Variants in SGIP1 observed in about 807,000 individuals in gnomAD.
SGIP1 encodes the protein SH3-containing GRB2-like protein 3-interacting protein 1.
In SGIP1, 38 loss-of-function variants were observed where a neutral mutation model predicts 107.5. The observed-to-expected ratio is 0.35, with a 90% confidence interval of 0.27 to 0.46. The LOEUF (loss-of-function observed/expected upper bound fraction) is 0.46, where lower values mean the gene tolerates loss of function less well. Among genes scored for constraint, SGIP1 ranks in the 20% least tolerant of loss-of-function variants. SGIP1 has a pLI of 1.00. For missense variants in SGIP1, 929 were observed against 1,019.5 expected (o/e 0.91, Z 1.21); for synonymous variants, 365 against 366.1 (o/e 1.00, Z 0.03).
chr1:66,705,051 A>G (rs1357250392), intron 18 of SGIP1, among the ~76,000 whole-genome samples: 1 of 152,240 alleles, frequency 6.6e-6, no homozygotes, highest in East Asian at 1.9e-4. Flanking sequence ...ACATTAACAT[A>G]AGGCATTAAC....
intron 1 of SGIP1, among the ~76,000 whole-genome samples, chr1:66,596,397 C>G (rs1434701906): frequency 6.6e-6 from 1 of 152,000 alleles, no homozygotes; most frequent in Non-Finnish European, 1.5e-5. Flanking sequence ...CTTTTATGGG[C>G]TCAGAATGGG....
chr1:66,564,328 G>A (rs763361831), intron 1 of SGIP1, among the ~76,000 whole-genome samples: 11 of 151,816 alleles, frequency 7.2e-5, no homozygotes, highest in Non-Finnish European at 1.2e-4. Flanking sequence ...CACTAACATG[G>A]TAAAATGCTG....
At chr1:66,688,481 T>C (rs749126100) in intron 15 of SGIP1, among the ~76,000 whole-genome samples, 33 of 152,212 alleles carry the variant, frequency 2.2e-4, no homozygotes, top group Non-Finnish European at 4.0e-4. Flanking sequence ...AAACTCTGCA[T>C]TGACAGATTC....
At chr1:66,582,053 G>T (rs955165154) in intron 1 of SGIP1, among the ~76,000 whole-genome samples, 2 of 152,076 alleles carry the variant, frequency 1.3e-5, no homozygotes, top group South Asian at 4.1e-4. Context: ...TGCCTAGTTA[G>T]TGGTGATAAC....
chr1:66,613,852 GT>G (rs1027748297), intron 1 of SGIP1, among the ~76,000 whole-genome samples: 1 of 152,178 alleles, frequency 6.6e-6, no homozygotes, highest in African/African-American at 2.4e-5. Context: ...AATATTAGAT[GT>G]TGTATCTCTA....
chr1:66,596,251 C>T (rs2148951949), intron 1 of SGIP1, among the ~76,000 whole-genome samples: 1 of 149,296 alleles, frequency 6.7e-6, no homozygotes, highest in Non-Finnish European at 1.5e-5. Flanking sequence ...ATATGTTGGA[C>T]ATTGAAGTAT....
intron 8 of SGIP1, among the ~76,000 whole-genome samples, chr1:66,663,990 A>G (rs1248354195): frequency 6.6e-6 from 1 of 152,130 alleles, no homozygotes; most frequent in Non-Finnish European, 1.5e-5. Flanking sequence ...AATGCTTGCA[A>G]TCTAGACTCT....
At chr1:66,590,837 A>G (rs2063498700) in intron 1 of SGIP1, among the ~76,000 whole-genome samples, 1 of 149,686 alleles carries the variant, frequency 6.7e-6, no homozygotes, top group Admixed American at 6.6e-5. Context: ...TGCCCCCCTC[A>G]ACCTTCCAAA....
intron 19 of SGIP1, among the ~76,000 whole-genome samples, chr1:66,721,704 T>C (rs1164606654): frequency 1.3e-5 from 2 of 152,164 alleles, no homozygotes; most frequent in Non-Finnish European, 2.9e-5. Context: ...CCACTGTGCC[T>C]GGCCAGAATT....
chr1:66,551,475 T>C (rs1286936706), intron 1 of SGIP1, among the ~76,000 whole-genome samples: 1 of 152,170 alleles, frequency 6.6e-6, no homozygotes, highest in Non-Finnish European at 1.5e-5. Context: ...CATTCTGACT[T>C]TGTGGTTTGG....
intron 1 of SGIP1, among the ~76,000 whole-genome samples, chr1:66,566,892 T>C (rs974181675): frequency 6.6e-6 from 1 of 151,960 alleles, no homozygotes; most frequent in Non-Finnish European, 1.5e-5. Context: ...GTCCGGTGTG[T>C]GATGTTCCCC....
At chr1:66,630,898 A>AGAAAGAAGGAAAGAAAGAAG (rs1178848396) in intron 2 of SGIP1, among the ~76,000 whole-genome samples, 303 of 8,228 alleles carry the variant, frequency 0.037, 99 homozygotes, top group African/African-American at 0.042. Context: ...AAAGAAAGAA[A>AGAAAGAAGGAAAGAAAGAAG]GAAAGAAGGG....
At chr1:66,543,663 C>G (rs1000254675) in intron 1 of SGIP1, among the ~76,000 whole-genome samples, 2 of 152,076 alleles carry the variant, frequency 1.3e-5, no homozygotes, top group African/African-American at 4.8e-5. Context: ...TAGCTCTCTC[C>G]CCTGATTTTC....
At chr1:66,623,585 G>T (rs1335858323) in intron 1 of SGIP1, among the ~76,000 whole-genome samples, 2 of 152,160 alleles carry the variant, frequency 1.3e-5, no homozygotes, top group African/African-American at 2.4e-5. Context: ...TTTGATTAGG[G>T]CATTTTTTTT....
At chr1:66,541,706 G>A (rs12136922) in intron 1 of SGIP1, among the ~76,000 whole-genome samples, 85,839 of 152,036 alleles carry the variant, frequency 0.56, 25,064 homozygotes, top group East Asian at 0.97. Context: ...GGAGTTACCT[G>A]TGTTTCTTCT....
intron 1 of SGIP1, among the ~76,000 whole-genome samples, chr1:66,547,289 G>A (rs1245899404): frequency 6.6e-6 from 1 of 152,084 alleles, no homozygotes; most frequent in Admixed American, 6.6e-5. Context: ...AATGGGGATG[G>A]ATATATGGAA....
At chr1:66,693,091 G>A (rs1437207980) in intron 17 of SGIP1, among the ~76,000 whole-genome samples, 3 of 151,932 alleles carry the variant, frequency 2.0e-5, no homozygotes, top group Non-Finnish European at 2.9e-5. Context: ...TTTCAGACAG[G>A]TTATAATATG....
Position 66,743,679 on chromosome 1 carries a change from A to G in SGIP1, c.*584A>G, listed in dbSNP as rs564547145. 6.5e-6 allele frequency: 1 copy of G among 152,702 alleles called. No homozygotes were observed. Among genetic ancestry groups the G allele is most frequent in the Admixed American group, 6.5e-5 (1 of 15,304 alleles). 9.5% of individuals were successfully genotyped at this position (152,702 alleles called of 1,614,324 possible). A position where few individuals can be genotyped will look rare whatever the true frequency, so the allele number is the denominator to read the frequency against. The stretch of plus-strand genomic sequence containing the variant: ...GTTAAATTGAGAAACTATTTCAGAA[A>G]AAAATTCTAAGGTTACAGCATATTC... On this transcript the variant is annotated 3_prime_UTR_variant, in exon 25 of 25. Coordinates refer to ENST00000371037, the MANE Select transcript of SGIP1 (RefSeq NM_032291.4).
chr1:66,725,667 A>C (rs1454764089), intron 19 of SGIP1, among the ~76,000 whole-genome samples: 1 of 152,236 alleles, frequency 6.6e-6, no homozygotes, highest in Non-Finnish European at 1.5e-5. Context: ...TATATAAAAC[A>C]ATGACTTGCA....
Sources: allele counts gnomAD v4.1 joint callset (sites outside exome capture counted in the v4.1 genomes callset), GRCh38; gene constraint gnomAD v4.1.1; transcripts MANE v1.5; gene names NCBI Gene and HGNC (gene_info 2026-07-23, HGNC 2026-07-21).